Variants in HECTD4 observed in about 807,000 individuals in gnomAD.
HECTD4 encodes probable E3 ubiquitin-protein ligase HECTD4.
In HECTD4, 114 loss-of-function variants were observed where a neutral mutation model predicts 471.5. That is an observed-to-expected ratio of 0.24 (90% CI 0.21 to 0.28). The LOEUF (loss-of-function observed/expected upper bound fraction) is 0.28, where lower values mean the gene tolerates loss of function less well. Ranked by LOEUF, HECTD4 falls within the 10% of genes least tolerant of loss-of-function variation. The pLI, the probability that HECTD4 is intolerant of heterozygous loss-of-function variation, is 1.00. For missense variants in HECTD4, 3,866 were observed against 5,651.5 expected (o/e 0.68, Z 10.13); for synonymous variants, 2,012 against 2,256.0 (o/e 0.89, Z 3.07).
chr12:112,170,167 C>A, intron 69 of HECTD4, 166 bp downstream of exon 69: 1 of 951,350 alleles, frequency 1.1e-6, no homozygotes. Context: ...TCCCTGAGCT[C>A]CTGAGGGGAC....
chr12:112,380,237 G>A (rs866811659), intron 1 of HECTD4, among the ~76,000 whole-genome samples: 18 of 152,268 alleles, frequency 1.2e-4, no homozygotes, highest in Middle Eastern at 3.4e-3. Context: ...TTGAGGTCAG[G>A]AGTTCGAGAC....
chr12:112,163,282 A>G lies in HECTD4; in HGVS notation c.12898-18T>C, dbSNP rs1439118979. 1 of 1,596,396 alleles carries G rather than the reference A, an allele frequency of 6.3e-7. No individual in the cohort carries two copies. Among genetic ancestry groups the G allele is most frequent in the Non-Finnish European group, 8.6e-7 (1 of 1,168,338 alleles). On this transcript the variant is annotated intron_variant, in intron 74 of 75. Transcript: ENST00000682272. The surrounding 1 kb of genome is among the most constrained non-coding windows in gnomAD (Gnocchi z 8.2). ...GTGTGGGCCTGGGGAGGAGAGGTCCAGGTGTCAGGAGCCCTGGAGCCCCAC... is the reference window on the plus strand; with the variant it reads ...GTGTGGGCCTGGGGAGGAGAGGTCCGGGTGTCAGGAGCCCTGGAGCCCCAC...
At chr12:112,265,063 C>A (rs550241547) in intron 16 of HECTD4, 112 bp downstream of exon 16, 2 of 1,029,068 alleles carry the variant, frequency 1.9e-6, no homozygotes, top group South Asian at 2.4e-5. Context: ...CTGCGCCCGG[C>A]CTTTCATAAA....
Position 112,169,569 on chromosome 12 carries a change from C to T in HECTD4, c.12142G>A (p.Ala4048Thr). 1 of 1,613,632 alleles carries T rather than the reference C, an allele frequency of 6.2e-7. No individual in the cohort carries two copies. Among genetic ancestry groups the T allele is most frequent in the Non-Finnish European group, 8.5e-7 (1 of 1,179,884 alleles). ...VPSSQLCVKL[A>T]SGGDPTYAFN... is the part of the protein sequence containing the mutation. The stretch of plus-strand genomic sequence containing the variant: ...GCATATGTGGGGTCACCGCCACTGG[C>T]CAGCTTGACGCAGAGCTGAGACGAC... The change falls in exon 70 of 76, where the codon GCC (alanine) becomes ACC (threonine). Residue 4048 changes from alanine (A) to threonine (T), a missense_variant. Around this residue, in one of 16 missense-constraint regions of HECTD4, gnomAD observed 715 missense variants for 1,087.6 expected, o/e 0.66. Transcript: ENST00000682272.
intron 60 of HECTD4, among the ~76,000 whole-genome samples, chr12:112,186,952 G>T (rs2031888249): frequency 6.6e-6 from 1 of 151,828 alleles, no homozygotes; most frequent in South Asian, 2.1e-4. Context: ...ACAGATGTGA[G>T]CCACTGTACC....
chr12:112,355,597 T>C (rs1381753395), intron 1 of HECTD4, among the ~76,000 whole-genome samples: 1 of 150,228 alleles, frequency 6.7e-6, no homozygotes, highest in Non-Finnish European at 1.5e-5. Flanking sequence ...CCATGTCTAC[T>C]AAAAATACAA....
chr12:112,363,212 T>C (rs1329441724), intron 1 of HECTD4, among the ~76,000 whole-genome samples: 1 of 152,146 alleles, frequency 6.6e-6, no homozygotes, highest in Non-Finnish European at 1.5e-5. Context: ...ACATGTAATA[T>C]GTATTCATGT....
At chr12:112,285,891 C>A (rs937979283) in intron 7 of HECTD4, among the ~76,000 whole-genome samples, 3 of 152,044 alleles carry the variant, frequency 2.0e-5, no homozygotes, top group African/African-American at 7.2e-5. Context: ...TAACTTTTAG[C>A]AAGCATAGCT....
chr12:112,238,413 T>C (rs2033564273), intron 34 of HECTD4, among the ~76,000 whole-genome samples: 1 of 152,118 alleles, frequency 6.6e-6, no homozygotes, highest in Non-Finnish European at 1.5e-5. Flanking sequence ...TCACTAAAAA[T>C]AAAATTTGGA....
intron 38 of HECTD4, 76 bp from the exon 39 acceptor site, chr12:112,231,791 TC>T: frequency 8.1e-7 from 1 of 1,238,164 alleles, no homozygotes; most frequent in Non-Finnish European, 1.1e-6. Flanking sequence ...CTATTTCCCC[TC>T]AATTACCAAA....
At chr12:112,247,995 C>T in intron 27 of HECTD4, 72 bp downstream of exon 27, 1 of 1,051,942 alleles carries the variant, frequency 9.5e-7, no homozygotes, top group Non-Finnish European at 1.4e-6. Flanking sequence ...CACACACACA[C>T]ACACACACAC....
intron 64 of HECTD4, among the ~76,000 whole-genome samples, chr12:112,178,579 C>T (rs1049853718): frequency 9.2e-5 from 14 of 152,310 alleles, no homozygotes; most frequent in African/African-American, 2.9e-4. Flanking sequence ...CCTGTAACCT[C>T]GGCACTGTGG....
At chr12:112,176,571 C>T (rs762215092) in intron 65 of HECTD4, 25 bp downstream of exon 65, 3 of 1,550,080 alleles carry the variant, frequency 1.9e-6, no homozygotes, top group Non-Finnish European at 2.7e-6. Flanking sequence ...TCCCAGCCCA[C>T]TCCAGGCCCC....
At position 112,173,370 on chromosome 12, in the gene HECTD4, A is replaced by T. The variant is rs1210370127; in HGVS notation, c.11595-509T>A. ...TTTGCTTGCCTAATTTTAAAATTTT[A>T]ATTTTTTAATTTTTTTATTTTTATT... is the stretch of plus-strand genomic sequence containing the variant. On this transcript the variant is annotated intron_variant, in intron 66 of 75. Transcript: ENST00000682272. The surrounding 1 kb of genome is among the most constrained non-coding windows in gnomAD (Gnocchi z 4.3). Among the ~76,000 whole-genome samples the T allele has an allele frequency of 6.6e-6, 1 of 151,520 alleles. No individual in the cohort carries two copies. The highest frequency in any genetic ancestry group is 1.5e-5 in the Non-Finnish European group (1 of 67,876).
chr12:112,371,886 CAAAA>C (rs535844706), intron 1 of HECTD4, among the ~76,000 whole-genome samples: 2 of 57,254 alleles, frequency 3.5e-5, no homozygotes, highest in Admixed American at 2.0e-4. Flanking sequence ...AACTCTGTCT[CAAAA>C]AAAAAAAAAA....
intron 29 of HECTD4, among the ~76,000 whole-genome samples, chr12:112,244,737 C>T (rs1018390953): frequency 6.6e-6 from 1 of 152,124 alleles, no homozygotes; most frequent in East Asian, 1.9e-4. Context: ...CCTGCTTTAA[C>T]CCCAGATATA....
At chr12:112,208,062 C>T (rs2032647342) in intron 51 of HECTD4, 62 bp from the exon 52 acceptor site, 5 of 1,565,734 alleles carry the variant, frequency 3.2e-6, no homozygotes, top group Admixed American at 3.7e-5. Context: ...TCACTGTTTC[C>T]CTAACTTACA....
At chr12:112,204,914 C>T (rs979177053) in intron 52 of HECTD4, among the ~76,000 whole-genome samples, 1 of 151,916 alleles carries the variant, frequency 6.6e-6, no homozygotes, top group African/African-American at 2.4e-5. Flanking sequence ...AGGTAGATTA[C>T]TTGAGGCCAG....
chr12:112,172,634 AGG>A lies in HECTD4; in HGVS notation c.11785+35_11785+36del, dbSNP rs769683381. Reference sequence around the variant, plus strand: ...CCTTGTCATGGGGCATGCCCGCATCAGGCAGCAGGGGAGGGGATAGGCCCAGG... The same window carrying A: ...CCTTGTCATGGGGCATGCCCGCATCACAGCAGGGGAGGGGATAGGCCCAGG... On this transcript the variant is annotated intron_variant, in intron 67 of 75. Transcript: ENST00000682272. 8 of 1,596,950 alleles carry A rather than the reference AGG, an allele frequency of 5.0e-6. No homozygotes were observed. The South Asian group carries it at 8.8e-5, about 18-fold the overall frequency.
Sources: gnomAD v4.1 joint callset for allele counts (sites outside exome capture counted in the v4.1 genomes callset) on GRCh38, gnomAD v4.1.1 for gene constraint, gnomAD v4.1.1 regional missense constraint, Gnocchi (gnomAD v3.1) non-coding constraint, MANE v1.5 for transcripts, NCBI Gene and HGNC (gene_info 2026-07-23, HGNC 2026-07-21) for gene names.